Variants in COL23A1 observed in about 807,000 individuals in gnomAD.
COL23A1 encodes collagen type XXIII alpha 1 chain.
COL23A1 carries 97 observed loss-of-function variants against 99.3 expected under a neutral mutation model. The ratio of observed to expected loss-of-function variants is 0.98; its 90% CI spans 0.83 to 1.16. COL23A1 has a LOEUF of 1.16. Ranked by LOEUF, COL23A1 falls within the 50% of genes most tolerant of loss-of-function variation. The pLI is 0.00. For missense variants in COL23A1, 762 were observed against 757.4 expected (o/e 1.01, Z -0.07); for synonymous variants, 320 against 308.2 (o/e 1.04, Z -0.40).
chr5:178,257,311 G>GCCC (rs1475024849), intron 13 of COL23A1, among the ~76,000 whole-genome samples: 3 of 152,192 alleles, frequency 2.0e-5, no homozygotes, highest in African/African-American at 7.2e-5. Flanking sequence ...AAACAAGAGG[G>GCCC]CTTGAGGGAG....
chr5:178,404,529 T>C (rs185878543), intron 2 of COL23A1, among the ~76,000 whole-genome samples: 50 of 152,266 alleles, frequency 3.3e-4, no homozygotes, highest in African/African-American at 1.2e-3. Flanking sequence ...TGAAATAACA[T>C]GAAAATTTGA....
intron 27 of COL23A1, among the ~76,000 whole-genome samples, chr5:178,241,073 A>T (rs1015882218): frequency 1.3e-4 from 20 of 152,162 alleles, no homozygotes; most frequent in African/African-American, 4.6e-4. Flanking sequence ...CTCTACAAAA[A>T]TTAAAAATTA....
chr5:178,552,178 A>G (rs529852657), intron 2 of COL23A1, among the ~76,000 whole-genome samples: 261 of 152,188 alleles, frequency 1.7e-3, no homozygotes, highest in Non-Finnish European at 3.3e-3. Flanking sequence ...TATTCTCCGC[A>G]TCTGTTATGG....
Position 178,526,929 on chromosome 5 carries a change from C to T in COL23A1, c.361+33753G>A, listed in dbSNP as rs143417742. On this transcript the variant is annotated intron_variant, in intron 2 of 28. Transcript: ENST00000390654. Reference sequence around the variant, plus strand: ...TGTTCCTATCCTTACTCATTCAAACCGCTGCCTTCCAAAAAGACGGCCTCC... The same window carrying T: ...TGTTCCTATCCTTACTCATTCAAACTGCTGCCTTCCAAAAAGACGGCCTCC... Among the ~76,000 whole-genome samples the T allele has an allele frequency of 1.8e-4, 28 of 152,304 alleles. 2 individuals carry two copies. In the East Asian group the frequency reaches 4.8e-3, roughly 26 times the overall value.
At chr5:178,452,864 C>T (rs1242674567) in intron 2 of COL23A1, among the ~76,000 whole-genome samples, 2 of 152,136 alleles carry the variant, frequency 1.3e-5, no homozygotes, top group African/African-American at 2.4e-5. Flanking sequence ...TGTCAATGTC[C>T]GTCAAAATCA....
chr5:178,359,613 T>TA (rs1447621391), intron 2 of COL23A1, among the ~76,000 whole-genome samples: 1 of 152,176 alleles, frequency 6.6e-6, no homozygotes, highest in African/African-American at 2.4e-5. Flanking sequence ...TCTGGTTAAA[T>TA]AAAAAGATTC....
At chr5:178,393,008 A>G (rs1192601319) in intron 2 of COL23A1, among the ~76,000 whole-genome samples, 1 of 152,222 alleles carries the variant, frequency 6.6e-6, no homozygotes, top group East Asian at 1.9e-4. Context: ...CATTTTGCAG[A>G]GAGACTCAGG....
chr5:178,379,078 G>A (rs1278016723), intron 2 of COL23A1, among the ~76,000 whole-genome samples: 1 of 152,112 alleles, frequency 6.6e-6, no homozygotes, highest in Non-Finnish European at 1.5e-5. Flanking sequence ...TATGGGAGCT[G>A]CCCCAGAAGG....
intron 2 of COL23A1, among the ~76,000 whole-genome samples, chr5:178,538,019 G>A (rs548163715): frequency 6.6e-6 from 1 of 152,300 alleles, no homozygotes; most frequent in South Asian, 2.1e-4. Flanking sequence ...ATTCATCCAC[G>A]TTTGCAGCCT....
intron 3 of COL23A1, among the ~76,000 whole-genome samples, chr5:178,294,860 G>A (rs1168750339): frequency 2.0e-5 from 3 of 152,220 alleles, no homozygotes; most frequent in Admixed American, 6.5e-5. Context: ...GGCCAACCTA[G>A]GCCGTGTGCG....
intron 5 of COL23A1, among the ~76,000 whole-genome samples, chr5:178,277,895 T>C (rs1756680229): frequency 6.6e-6 from 1 of 152,146 alleles, no homozygotes; most frequent in South Asian, 2.1e-4. Flanking sequence ...AGGAAAGAGC[T>C]TGACCCCCGT....
At chr5:178,430,936 C>T (rs1379867292) in intron 2 of COL23A1, among the ~76,000 whole-genome samples, 3 of 151,934 alleles carry the variant, frequency 2.0e-5, no homozygotes, top group African/African-American at 2.4e-5. Flanking sequence ...TTCATACAGA[C>T]GTAAAGACAT....
intron 2 of COL23A1, among the ~76,000 whole-genome samples, chr5:178,459,021 G>C (rs922982671): frequency 2.6e-5 from 4 of 152,144 alleles, no homozygotes; most frequent in African/African-American, 9.7e-5. Context: ...CAAATAAATT[G>C]TAAGAAAAAA....
chr5:178,583,506 C>T lies in COL23A1; in HGVS notation c.294+6398G>A, dbSNP rs551226240. ...ACACACATGAACACACACACACAGACGCAGCTGAGCCTCGCCCATCGAGAG... is the reference window on the plus strand; with the variant it reads ...ACACACATGAACACACACACACAGATGCAGCTGAGCCTCGCCCATCGAGAG... On this transcript the variant is annotated intron_variant, in intron 1 of 28. Transcript: ENST00000390654. Among the ~76,000 whole-genome samples the T allele has an allele frequency of 3.3e-5, 5 of 152,346 alleles. No individual in the cohort carries two copies. In the South Asian group the frequency reaches 1.0e-3, roughly 32 times the overall value.
chr5:178,413,592 G>A (rs2127783945), intron 2 of COL23A1, among the ~76,000 whole-genome samples: 1 of 152,300 alleles, frequency 6.6e-6, no homozygotes, highest in Admixed American at 6.5e-5. Flanking sequence ...TAGTTCAATG[G>A]GAAAGACAGA....
At chr5:178,351,572 G>C (rs947106336) in intron 2 of COL23A1, among the ~76,000 whole-genome samples, 1 of 152,190 alleles carries the variant, frequency 6.6e-6, no homozygotes, top group Non-Finnish European at 1.5e-5. Context: ...GGAAGGATGA[G>C]ACAGAAAACA....
chr5:178,297,014 A>G (rs2127593265), intron 3 of COL23A1, among the ~76,000 whole-genome samples: 1 of 152,012 alleles, frequency 6.6e-6, no homozygotes, highest in East Asian at 1.9e-4. Context: ...TGAAATCCCA[A>G]CTCCTGGCCC....
Position 178,415,915 on chromosome 5 carries a change from G to A in COL23A1, c.362-108996C>T, listed in dbSNP as rs541232854. ...TCCGAGGGAGGTGATTCCAGGGCTG[G>A]ATGGGACCAGAGAGAGCTTTCAGGA... On this transcript the variant is annotated intron_variant, in intron 2 of 28. Transcript: ENST00000390654. This position sits in a 1 kb window ranked among gnomAD's most constrained non-coding sequence, Gnocchi z 4.6. Among the ~76,000 whole-genome samples, 30 of 152,162 alleles carry A rather than the reference G, an allele frequency of 2.0e-4. No individual in the cohort carries two copies. Among genetic ancestry groups the A allele is most frequent in the African/African-American group, 7.0e-4 (29 of 41,492 alleles).
At chr5:178,327,282 T>C (rs1304456863) in intron 2 of COL23A1, among the ~76,000 whole-genome samples, 2 of 152,208 alleles carry the variant, frequency 1.3e-5, no homozygotes, top group Admixed American at 1.3e-4. Context: ...AACAGCCAAT[T>C]ACAGCACAGT....
Sources: allele counts gnomAD v4.1 joint callset (sites outside exome capture counted in the v4.1 genomes callset), GRCh38; gene constraint gnomAD v4.1.1; non-coding constraint Gnocchi (gnomAD v3.1); transcripts MANE v1.5; gene names NCBI Gene and HGNC (gene_info 2026-07-23, HGNC 2026-07-21).